NUDT21: variants seen among roughly 807,000 people sequenced by gnomAD.
NUDT21 encodes cleavage and polyadenylation specificity factor subunit 5.
NUDT21 carries 5 observed loss-of-function variants against 29.8 expected under a neutral mutation model. The ratio of observed to expected loss-of-function variants is 0.17; its 90% CI spans 0.09 to 0.35. The LOEUF is 0.35. NUDT21 is among the 10% of genes least tolerant of loss of function. The pLI, the probability that NUDT21 is intolerant of heterozygous loss-of-function variation, is 1.00. For synonymous variants in NUDT21, 113 were observed against 98.5 expected (o/e 1.15, Z -0.87); for missense variants, 76 against 276.0 (o/e 0.28, Z 5.13).
At chr16:56,450,676 AATG>A (rs1962287804) in intron 1 of NUDT21, among the ~76,000 whole-genome samples, 1 of 152,228 alleles carries the variant, frequency 6.6e-6, no homozygotes, top group Non-Finnish European at 1.5e-5. Flanking sequence ...AATCTGCAAA[AATG>A]ATACTAGGTT....
At chr16:56,445,233 A>G (rs1224961353) in intron 3 of NUDT21, among the ~76,000 whole-genome samples, 2 of 152,152 alleles carry the variant, frequency 1.3e-5, no homozygotes, top group Non-Finnish European at 2.9e-5. Flanking sequence ...AGTTTTGTAT[A>G]TGGGATGCTT....
chr16:56,429,660 GAAGT>G lies in NUDT21; in HGVS notation c.*3048_*3051del, dbSNP rs1462284287. The G allele has an allele frequency of 1.3e-5, 2 of 152,196 alleles. No individual in the cohort carries two copies. The highest frequency in any genetic ancestry group is 6.5e-5 in the Admixed American group (1 of 15,284). 9.4% of individuals were successfully genotyped at this position (152,196 alleles called of 1,614,324 possible). A position where few individuals can be genotyped will look rare whatever the true frequency, so the allele number is the denominator to read the frequency against. On this transcript the variant is annotated 3_prime_UTR_variant, in exon 7 of 7. Coordinates refer to ENST00000300291, the MANE Select transcript of NUDT21 (RefSeq NM_007006.3). ...AAATAATCAGTGATGTATAACAAGT[GAAGT>G]AAGTATGGGAAAATCAAATCTTATG...
At chr16:56,443,039 T>C (rs1962177357) in intron 3 of NUDT21, among the ~76,000 whole-genome samples, 1 of 152,230 alleles carries the variant, frequency 6.6e-6, no homozygotes, top group African/African-American at 2.4e-5. Context: ...GAGGTCCTTT[T>C]GCTTCTTTTG....
intron 3 of NUDT21, among the ~76,000 whole-genome samples, chr16:56,444,616 AAAAC>A: frequency 6.7e-6 from 1 of 149,516 alleles, no homozygotes; most frequent in African/African-American, 2.5e-5. Context: ...AAAAAAAACA[AAAAC>A]AAAAAAAAAA....
chr16:56,448,042 A>G, intron 1 of NUDT21, 53 bp from the exon 2 acceptor site: 7 of 1,484,810 alleles, frequency 4.7e-6, no homozygotes, highest in Non-Finnish European at 6.5e-6. Flanking sequence ...GTAATTTACC[A>G]TGACAGACAT....
At chr16:56,434,287 G>C in intron 6 of NUDT21, 44 bp downstream of exon 6, 1 of 1,240,042 alleles carries the variant, frequency 8.1e-7, no homozygotes, top group Middle Eastern at 1.9e-4. Flanking sequence ...TTTTAAATTT[G>C]ACAGTTAATA....
At chr16:56,436,685 C>G (rs1159155389) in intron 4 of NUDT21, among the ~76,000 whole-genome samples, 1 of 152,216 alleles carries the variant, frequency 6.6e-6, no homozygotes, top group Admixed American at 6.5e-5. Flanking sequence ...TTCTTCTGCT[C>G]AAGGCTACAT....
At chr16:56,450,277 C>G (rs749574447) in intron 1 of NUDT21, among the ~76,000 whole-genome samples, 1 of 152,124 alleles carries the variant, frequency 6.6e-6, no homozygotes, top group Non-Finnish European at 1.5e-5. Context: ...ATTAAGACAC[C>G]CCAAACGCCA....
At chr16:56,446,214 A>G (rs1056877764) in intron 3 of NUDT21, among the ~76,000 whole-genome samples, 1 of 152,226 alleles carries the variant, frequency 6.6e-6, no homozygotes, top group Non-Finnish European at 1.5e-5. Context: ...TCTTTTCAAA[A>G]TTCTATAGAG....
intron 2 of NUDT21, 160 bp from the exon 3 acceptor site, chr16:56,446,849 T>C: frequency 1.9e-6 from 1 of 519,110 alleles, no homozygotes; most frequent in Non-Finnish European, 3.4e-6. Flanking sequence ...ATGCTTGAAT[T>C]CATGTCAATT....
At chr16:56,447,446 T>A (rs1962232497) in intron 2 of NUDT21, among the ~76,000 whole-genome samples, 1 of 152,230 alleles carries the variant, frequency 6.6e-6, no homozygotes, top group African/African-American at 2.4e-5. Flanking sequence ...TAAGTCATCT[T>A]AAGAACAGGA....
rs1470158086 is a variant in NUDT21 at position 56,431,427 on chromosome 16, T to C, written c.*1285A>G. 6.6e-6 allele frequency: 1 copy of C among 152,246 alleles called. No homozygotes were observed. The allele number at this position is 152,246 out of a possible 1,614,324, so 9.4% of individuals were successfully genotyped here. On this transcript the variant is annotated 3_prime_UTR_variant, in exon 7 of 7. Transcript: ENST00000300291. Reference sequence around the variant, plus strand: ...CTAAAAAAACTTGAGTGTTTATTAATTGCTCAGCTACACTTGGCCTGATTT... The same window carrying C: ...CTAAAAAAACTTGAGTGTTTATTAACTGCTCAGCTACACTTGGCCTGATTT...
intron 2 of NUDT21, chr16:56,447,529 T>C (rs965903579): frequency 1.3e-5 from 6 of 451,364 alleles, no homozygotes; most frequent in African/African-American, 1.2e-4. Flanking sequence ...ACATTGATCT[T>C]GGACTCAACT....
intron 4 of NUDT21, among the ~76,000 whole-genome samples, chr16:56,438,209 T>A (rs1962125407): frequency 6.6e-6 from 1 of 152,146 alleles, no homozygotes; most frequent in South Asian, 2.1e-4. Context: ...ACTGCCAAGA[T>A]TAGGTTATCA....
At chr16:56,441,992 C>G (rs1321034882) in intron 3 of NUDT21, among the ~76,000 whole-genome samples, 1 of 152,154 alleles carries the variant, frequency 6.6e-6, no homozygotes, top group African/African-American at 2.4e-5. Flanking sequence ...TGGGTTCAAG[C>G]GCTTCTCTCA....
At chr16:56,438,179 A>G (rs1331401661) in intron 4 of NUDT21, among the ~76,000 whole-genome samples, 1 of 152,186 alleles carries the variant, frequency 6.6e-6, no homozygotes, top group Non-Finnish European at 1.5e-5. Flanking sequence ...AATAGCACAC[A>G]GCAGAAGTGA....
intron 3 of NUDT21, among the ~76,000 whole-genome samples, chr16:56,444,016 G>A (rs1462188332): frequency 6.6e-6 from 1 of 152,100 alleles, no homozygotes. Flanking sequence ...TTGTTGGCTG[G>A]GCCTGGTGGC....
chr16:56,451,273 G>T lies in NUDT21; in HGVS notation c.-71C>A. The T allele has an allele frequency of 8.4e-7, 1 of 1,192,704 alleles. No individual in the cohort carries two copies. The highest frequency in any genetic ancestry group is 1.2e-6 in the Non-Finnish European group (1 of 837,056). 73.9% of individuals were successfully genotyped at this position (1,192,704 alleles called of 1,614,324 possible). Reference sequence around the variant, plus strand: ...GGTAGACTTTCCCCGTGCGGGAAGCGGTTATCTGCAATCCCCTCAGCGGCT... The same window carrying T: ...GGTAGACTTTCCCCGTGCGGGAAGCTGTTATCTGCAATCCCCTCAGCGGCT... On this transcript the variant is annotated 5_prime_UTR_variant, in exon 1 of 7. Coordinates refer to ENST00000300291, the MANE Select transcript of NUDT21 (RefSeq NM_007006.3).
At chr16:56,444,843 T>C (rs73547653) in intron 3 of NUDT21, among the ~76,000 whole-genome samples, 1 of 152,132 alleles carries the variant, frequency 6.6e-6, no homozygotes, top group South Asian at 2.1e-4. Context: ...CATCCCAATC[T>C]GAAACTCCAA....
Sources: allele counts gnomAD v4.1 joint callset (sites outside exome capture counted in the v4.1 genomes callset), GRCh38; gene constraint gnomAD v4.1.1; transcripts MANE v1.5; gene names NCBI Gene and HGNC (gene_info 2026-07-23, HGNC 2026-07-21).